The following INPP5D variants were observed in gnomAD, a reference collection of about 807,000 sequenced individuals.
INPP5D encodes the protein inositol polyphosphate-5-phosphatase D, also known as phosphatidylinositol 3,4,5-trisphosphate 5-phosphatase 1.
Under a neutral mutation model 122.9 loss-of-function variants are expected in INPP5D, and 33 were observed. The observed-to-expected ratio is 0.27, with a 90% CI of 0.20 to 0.36. The LOEUF (loss-of-function observed/expected upper bound fraction) is 0.36. Among genes scored for constraint, INPP5D ranks in the 10% least tolerant of loss-of-function variants. The probability of loss-of-function intolerance (pLI) is 1.00; values close to 1 mark genes in which losing one functional copy is unlikely to be tolerated. For synonymous variants in INPP5D, 584 were observed against 576.2 expected, an observed-to-expected ratio of 1.01 and a Z score of -0.19; for missense variants, 1,053 against 1,412.7, an observed-to-expected ratio of 0.75 and a Z score of 4.08.
At position 233,144,591 on chromosome 2, in the gene INPP5D, GGGTGAAGGTGGTAGTGGTGATGGTGAT is replaced by G. The variant is rs1693706145; in HGVS notation, c.754-1566_754-1540del. ...ATGGTGGTAGTGATGGTGATGGTGAGGGTGAAGGTGGTAGTGGTGATGGTGATGGTGGAGGTGGTTATGATCATGGTG... is the reference window on the plus strand; with the variant it reads ...ATGGTGGTAGTGATGGTGATGGTGAGGGTGGAGGTGGTTATGATCATGGTG... On this transcript the variant is annotated intron_variant, in intron 6 of 26. Transcript: ENST00000445964. 4.7e-5 allele frequency among the ~76,000 whole-genome samples: 7 copies of G among 147,928 alleles called. 1 individual carries two copies. The highest frequency in any genetic ancestry group is 1.5e-4 in the African/African-American group (6 of 39,400).
chr2:233,121,203 T>C (rs35368576), intron 2 of INPP5D, among the ~76,000 whole-genome samples: 53,207 of 147,442 alleles, frequency 0.36, 10,885 homozygotes, highest in Non-Finnish European at 0.46. Flanking sequence ...GTGATCTTGG[T>C]TCACTGCAAC....
intron 13 of INPP5D, among the ~76,000 whole-genome samples, chr2:233,167,066 T>C (rs1329472032): frequency 6.6e-6 from 1 of 151,478 alleles, no homozygotes; most frequent in Non-Finnish European, 1.5e-5. Context: ...ATGCTTTGAA[T>C]CATCTCATTT....
intron 19 of INPP5D, 71 bp from the exon 20 acceptor site, chr2:233,184,337 T>G: frequency 1.2e-5 from 18 of 1,562,456 alleles, no homozygotes; most frequent in Non-Finnish European, 1.6e-5. Context: ...GTATGTGGCA[T>G]GAGAACTAAT....
At position 233,201,740 on chromosome 2, in the gene INPP5D, C is replaced by G. The variant is rs370133317; in HGVS notation, c.2976-2386C>G. Among the ~76,000 whole-genome samples the G allele has an allele frequency of 5.3e-5, 8 of 152,342 alleles. 1 individual carries two copies. The highest frequency in any genetic ancestry group is 1.9e-4 in the African/African-American group (8 of 41,582). On this transcript the variant is annotated intron_variant, in intron 25 of 26. Transcript: ENST00000445964. ...GCAAGGACAACTGGTGACCCCAGAT[C>G]GAAGCTGTGCAATTAGGAAGGGGAC...
At chr2:233,115,297 C>T (rs749817891) in intron 2 of INPP5D, among the ~76,000 whole-genome samples, 16 of 152,210 alleles carry the variant, frequency 1.1e-4, no homozygotes, top group Non-Finnish European at 8.8e-5. Context: ...TCCTGCTCTG[C>T]CTGCATGGCC....
In INPP5D at chr2:233,164,110, C is replaced by T. The variant is rs1445853158; in HGVS notation, c.1438-197C>T. ...ACCACTGAGTCCTCTATCTTCCCAC[C>T]CTTGGTCAGCCCCGGTTCTCATCTT... On this transcript the variant is annotated intron_variant, in intron 12 of 26. Coordinates refer to ENST00000445964, the MANE Select transcript of INPP5D (RefSeq NM_001017915.3). This position sits in a 1 kb window ranked among gnomAD's most constrained non-coding sequence, Gnocchi z 4.3. Among the ~76,000 whole-genome samples the T allele has an allele frequency of 6.6e-6, 1 of 152,116 alleles. No individual in the cohort carries two copies. The highest frequency in any genetic ancestry group is 1.9e-4 in the East Asian group (1 of 5,186).
At chr2:233,166,729 A>T (rs1028632065) in intron 13 of INPP5D, among the ~76,000 whole-genome samples, 2 of 152,234 alleles carry the variant, frequency 1.3e-5, no homozygotes, top group Non-Finnish European at 2.9e-5. Context: ...TCACGCCTGT[A>T]ATCCCAGCAC....
intron 9 of INPP5D, among the ~76,000 whole-genome samples, chr2:233,158,061 A>G (rs2106290052): frequency 6.6e-6 from 1 of 152,266 alleles, no homozygotes; most frequent in Non-Finnish European, 1.5e-5. Flanking sequence ...GCAGGGAGAA[A>G]GATGAAAAGA....
rs567018122 is a variant in INPP5D at position 233,118,898 on chromosome 2, G to A, written c.199-3209G>A. Among the ~76,000 whole-genome samples the A allele has an allele frequency of 1.1e-4, 17 of 152,356 alleles. No homozygotes were observed. The East Asian group carries it at 3.1e-3, about 28-fold the overall frequency. On this transcript the variant is annotated intron_variant, in intron 2 of 26. Transcript: ENST00000445964. Reference sequence around the variant, plus strand: ...TTCCTGGGAACCCGGGCAGCCGGCAGCCTTGGTTTGCCAGACCCTGGCTCC... The same window carrying A: ...TTCCTGGGAACCCGGGCAGCCGGCAACCTTGGTTTGCCAGACCCTGGCTCC...
At chr2:233,098,634 G>A (rs984646872) in intron 2 of INPP5D, among the ~76,000 whole-genome samples, 1 of 152,078 alleles carries the variant, frequency 6.6e-6, no homozygotes, top group Non-Finnish European at 1.5e-5. Flanking sequence ...GTTTCTTCAG[G>A]CCAAACCCTC....
rs111499171 is a variant in INPP5D at position 233,124,113 on chromosome 2, GTT to G, written c.350-1618_350-1617del. ...AGGTACCCCTGAACTTAAAATACAA[GTT>G]TTTTTTTTTTTTTAAAGGCTTATTT... On this transcript the variant is annotated intron_variant, in intron 3 of 26. Coordinates refer to ENST00000445964, the MANE Select transcript of INPP5D (RefSeq NM_001017915.3). Among the ~76,000 whole-genome samples, 586 of 144,142 alleles carry G rather than the reference GTT, an allele frequency of 4.1e-3. 7 individuals are homozygous for G. The highest frequency in any genetic ancestry group is 0.014 in the African/African-American group (551 of 39,508). 94.6% of individuals were successfully genotyped at this position (144,142 alleles called of 152,430 possible).
intron 13 of INPP5D, among the ~76,000 whole-genome samples, chr2:233,168,479 T>C (rs1183570575): frequency 6.6e-6 from 1 of 152,244 alleles, no homozygotes. Flanking sequence ...TTCTAGGCTC[T>C]TTGGGCCACA....
intron 2 of INPP5D, among the ~76,000 whole-genome samples, chr2:233,115,771 C>T (rs190481703): frequency 6.6e-6 from 1 of 152,192 alleles, no homozygotes; most frequent in African/African-American, 2.4e-5. Context: ...CCCCTCAACA[C>T]AGTGGTGGGG....
chr2:233,092,722 GT>G (rs1340277561), intron 2 of INPP5D, among the ~76,000 whole-genome samples: 4 of 152,192 alleles, frequency 2.6e-5, no homozygotes, highest in Non-Finnish European at 5.9e-5. Context: ...AACATTGAAC[GT>G]GGGAGGTGGA....
intron 9 of INPP5D, among the ~76,000 whole-genome samples, chr2:233,150,447 A>C (rs2106283234): frequency 6.6e-6 from 1 of 152,268 alleles, no homozygotes; most frequent in South Asian, 2.1e-4. Flanking sequence ...TTTATAAATT[A>C]CCCAGTCTTG....
intron 3 of INPP5D, 136 bp downstream of exon 3, chr2:233,122,393 C>A (rs1362292967): frequency 5.6e-6 from 5 of 896,852 alleles, no homozygotes; most frequent in Non-Finnish European, 8.3e-6. Context: ...AAGTTAGGAA[C>A]ACAGGCTCTC....
chr2:233,136,320 A>T (rs1228441380), intron 5 of INPP5D, among the ~76,000 whole-genome samples: 1 of 152,178 alleles, frequency 6.6e-6, no homozygotes, highest in Non-Finnish European at 1.5e-5. Context: ...TACACTAAAA[A>T]TACAAAAAAT....
intron 2 of INPP5D, among the ~76,000 whole-genome samples, chr2:233,103,954 G>A (rs1692392362): frequency 3.4e-5 from 5 of 146,194 alleles, no homozygotes; most frequent in African/African-American, 1.0e-4. Flanking sequence ...TGATCCACCT[G>A]CCTCCGCCTC....
chr2:233,198,119 C>A lies in INPP5D; in HGVS notation c.2718C>A (p.Ser906Arg). The A allele has an allele frequency of 6.2e-7, 1 of 1,610,224 alleles. No homozygotes were observed. The highest frequency in any genetic ancestry group is 8.5e-7 in the Non-Finnish European group (1 of 1,177,950). Residue 906 changes from serine (S) to arginine (R), a missense_variant, in exon 25 of 27, where the codon AGC becomes AGA. Transcript: ENST00000445964. Reference protein sequence around the residue: ...TSRAPPCSGSSITEIINPNYM... With the variant: ...TSRAPPCSGSRITEIINPNYM... ...GGGCCCCTCCGTGCAGTGGCTCCAG[C>A]ATCACTGAAATCATCAACCCCAACT...
Sources: allele counts gnomAD v4.1 joint callset (sites outside exome capture counted in the v4.1 genomes callset), GRCh38; gene constraint gnomAD v4.1.1; non-coding constraint Gnocchi (gnomAD v3.1); transcripts MANE v1.5; gene names NCBI Gene and HGNC (gene_info 2026-07-23, HGNC 2026-07-21).